Variants in MYO16 observed in about 807,000 individuals in gnomAD.
The protein encoded by MYO16 is myosin XVI.
Under a neutral mutation model 205.3 loss-of-function variants are expected in MYO16, and 94 were observed. The observed-to-expected ratio is 0.46, with a 90% CI of 0.39 to 0.54. MYO16 has a LOEUF of 0.54. MYO16 is among the 20% of genes least tolerant of loss of function. The probability of loss-of-function intolerance (pLI) is 0.00; values close to 1 mark genes in which losing one functional copy is unlikely to be tolerated. For missense variants in MYO16, 2,315 were observed against 2,387.5 expected (o/e 0.97, Z 0.63); for synonymous variants, 988 against 954.0 (o/e 1.04, Z -0.66).
At chr13:108,692,742 T>A (rs934517623) in intron 2 of MYO16, among the ~76,000 whole-genome samples, 4 of 152,150 alleles carry the variant, frequency 2.6e-5, no homozygotes, top group Non-Finnish European at 1.5e-5. Flanking sequence ...TGCTTATTAA[T>A]GAAGTACAAA....
chr13:108,900,016 G>A (rs1880632052), intron 15 of MYO16, among the ~76,000 whole-genome samples: 1 of 152,196 alleles, frequency 6.6e-6, no homozygotes, highest in African/African-American at 2.4e-5. Flanking sequence ...GTGCAAGGAG[G>A]AGAAGCTCAT....
At chr13:108,798,398 C>T (rs563454568) in intron 6 of MYO16, among the ~76,000 whole-genome samples, 2 of 152,264 alleles carry the variant, frequency 1.3e-5, no homozygotes, top group South Asian at 2.1e-4. Flanking sequence ...TTGGAGTTGC[C>T]TTTACCTTCT....
At chr13:108,540,686 G>A in the MYO16 span, among the ~76,000 whole-genome samples, 1 of 152,072 alleles carries the variant, frequency 6.6e-6, no homozygotes, top group African/African-American at 2.4e-5. Flanking sequence ...TAGGAATACA[G>A]CACACCAATT....
chr13:108,858,824 C>T (rs1384649076), intron 11 of MYO16, among the ~76,000 whole-genome samples: 2 of 152,144 alleles, frequency 1.3e-5, no homozygotes, highest in Admixed American at 6.5e-5. Flanking sequence ...AGCCGCAACG[C>T]TTTCCCCCTA....
intron 32 of MYO16, among the ~76,000 whole-genome samples, chr13:109,151,481 G>A (rs1258543490): frequency 6.6e-6 from 1 of 152,136 alleles, no homozygotes; most frequent in Non-Finnish European, 1.5e-5. Flanking sequence ...AACTAGATCC[G>A]AGACTTGCAC....
chr13:108,908,604 C>T (rs1465325829), intron 15 of MYO16, among the ~76,000 whole-genome samples: 2 of 152,094 alleles, frequency 1.3e-5, no homozygotes, highest in Non-Finnish European at 2.9e-5. Context: ...TTCTTTAACA[C>T]CCCTCACCCA....
chr13:109,002,793 G>A (rs11838642), intron 21 of MYO16, among the ~76,000 whole-genome samples: 2,362 of 152,188 alleles, frequency 0.016, 61 homozygotes, highest in African/African-American at 0.054. Flanking sequence ...TTGAACACAC[G>A]CCCACATATG....
the MYO16 span, among the ~76,000 whole-genome samples, chr13:108,498,171 C>T: frequency 9.9e-5 from 15 of 152,270 alleles, no homozygotes; most frequent in South Asian, 2.1e-4. Context: ...TTGCCCTTTC[C>T]GGATCTCATC....
intron 28 of MYO16, among the ~76,000 whole-genome samples, chr13:109,116,894 G>A (rs1460682154): frequency 2.0e-5 from 3 of 152,144 alleles, no homozygotes; most frequent in Non-Finnish European, 4.4e-5. Flanking sequence ...GGGTGGACCT[G>A]TTCTCCAGTC....
At chr13:109,022,605 CGCATATAAACATATGT>C (rs1886103392) in intron 23 of MYO16, among the ~76,000 whole-genome samples, 1 of 132,974 alleles carries the variant, frequency 7.5e-6, no homozygotes, top group Non-Finnish European at 1.5e-5. Context: ...ATTCTATATA[CGCATATAAACATATGT>C]ATATATATTA....
intron 16 of MYO16, among the ~76,000 whole-genome samples, chr13:108,954,367 G>A (rs936849269): frequency 1.3e-5 from 2 of 152,180 alleles, no homozygotes; most frequent in Non-Finnish European, 2.9e-5. Context: ...CAGAAAAAAA[G>A]AGAATGTCAG....
At chr13:109,007,548 G>A (rs1364931097) in intron 21 of MYO16, among the ~76,000 whole-genome samples, 11 of 23,032 alleles carry the variant, frequency 4.8e-4, no homozygotes, top group South Asian at 0.014. Flanking sequence ...CCGTGTGTGT[G>A]TGTGTGTGTG....
intron 1 of MYO16, among the ~76,000 whole-genome samples, chr13:108,649,327 C>A (rs1451718258): frequency 1.3e-5 from 2 of 152,174 alleles, no homozygotes; most frequent in Non-Finnish European, 2.9e-5. Context: ...TTGTCAGTGT[C>A]AGAGCCATTA....
chr13:108,990,638 A>G (rs1884796960), intron 20 of MYO16, among the ~76,000 whole-genome samples: 1 of 152,166 alleles, frequency 6.6e-6, no homozygotes. Context: ...TCTTCTTATA[A>G]ACTAAGTCAA....
chr13:108,845,012 G>C (rs1877447119), intron 10 of MYO16, among the ~76,000 whole-genome samples: 1 of 152,036 alleles, frequency 6.6e-6, no homozygotes, highest in African/African-American at 2.4e-5. Context: ...GGATTTGAAG[G>C]GGGAGAGGGG....
At chr13:108,623,515 A>G (rs1352281444) in intron 1 of MYO16, among the ~76,000 whole-genome samples, 2 of 152,216 alleles carry the variant, frequency 1.3e-5, no homozygotes, top group Non-Finnish European at 2.9e-5. Context: ...ATTGAAAAAC[A>G]ATATACACTC....
chr13:108,803,911 T>C (rs1887037070), intron 6 of MYO16, among the ~76,000 whole-genome samples: 1 of 152,090 alleles, frequency 6.6e-6, no homozygotes, highest in African/African-American at 2.4e-5. Context: ...ATAGAAGTGG[T>C]TTACAGAAAT....
intron 2 of MYO16, among the ~76,000 whole-genome samples, chr13:108,673,131 A>G (rs76467308): frequency 0.057 from 8,735 of 151,916 alleles, 598 homozygotes; most frequent in East Asian, 0.15. Context: ...GAGTTGAGAG[A>G]CCATGTTTTT....
At chr13:108,682,704 G>A (rs549214591) in intron 2 of MYO16, among the ~76,000 whole-genome samples, 19 of 152,240 alleles carry the variant, frequency 1.2e-4, no homozygotes, top group Non-Finnish European at 1.8e-4. Flanking sequence ...GCATGGAAGG[G>A]TCAGTGATGT....
Sources: allele counts gnomAD v4.1 joint callset (sites outside exome capture counted in the v4.1 genomes callset), GRCh38; gene constraint gnomAD v4.1.1; transcripts MANE v1.5; gene names NCBI Gene and HGNC (gene_info 2026-07-23, HGNC 2026-07-21).